The following TMEM132D variants were observed in gnomAD, a reference collection of about 807,000 sequenced individuals.
The protein encoded by TMEM132D is transmembrane protein 132D, also known as mature OL transmembrane protein.
In TMEM132D, 21 loss-of-function variants were observed where a neutral mutation model predicts 62.3. The ratio of observed to expected loss-of-function variants is 0.34; its 90% confidence interval spans 0.24 to 0.49. The LOEUF (loss-of-function observed/expected upper bound fraction) is 0.49. Among genes scored for constraint, TMEM132D ranks in the 20% least tolerant of loss-of-function variants. The pLI, the probability that TMEM132D is intolerant of heterozygous loss-of-function variation, is 0.99. For missense variants in TMEM132D, 1,346 were observed against 1,402.8 expected, an observed-to-expected ratio of 0.96 and a Z score of 0.65; for synonymous variants, 621 against 575.6, an observed-to-expected ratio of 1.08 and a Z score of -1.13.
intron 3 of TMEM132D, among the ~76,000 whole-genome samples, chr12:129,446,742 T>C (rs80062758): frequency 0.015 from 2,246 of 152,222 alleles, 53 homozygotes; most frequent in African/African-American, 0.051. Flanking sequence ...CTGTCAAAAA[T>C]ATATTCCAGG....
chr12:129,423,714 G>T (rs2135712335), intron 3 of TMEM132D, among the ~76,000 whole-genome samples: 1 of 152,212 alleles, frequency 6.6e-6, no homozygotes, highest in South Asian at 2.1e-4. Flanking sequence ...CTTAGAAAAT[G>T]CCTTCCTCAA....
intron 2 of TMEM132D, among the ~76,000 whole-genome samples, chr12:129,582,598 G>T (rs1340971570): frequency 1.3e-5 from 2 of 149,136 alleles, no homozygotes; most frequent in Non-Finnish European, 3.0e-5. Flanking sequence ...CTACTTGTAA[G>T]ACGTGAGACT....
At position 129,838,438 on chromosome 12, in the gene TMEM132D, C is replaced by T. The variant is rs1401945130; in HGVS notation, c.79+64823G>A. Among the ~76,000 whole-genome samples the T allele has an allele frequency of 2.6e-5, 4 of 152,188 alleles. No homozygotes were observed. In the South Asian group the frequency reaches 6.2e-4, roughly 24 times the overall value. On this transcript the variant is annotated intron_variant, in intron 1 of 8. Coordinates refer to ENST00000422113, the MANE Select transcript of TMEM132D (RefSeq NM_133448.3). Reference sequence around the variant, plus strand: ...ACTTTGTCTGTCAGAGCGGCCAGTTCAGGCATTGCACTTTTCCCTACATCT... The same window carrying T: ...ACTTTGTCTGTCAGAGCGGCCAGTTTAGGCATTGCACTTTTCCCTACATCT...
intron 4 of TMEM132D, among the ~76,000 whole-genome samples, chr12:129,221,182 T>C (rs571682696): frequency 5.3e-5 from 8 of 152,330 alleles, no homozygotes; most frequent in Non-Finnish European, 1.2e-4. Context: ...AATTGCCTAT[T>C]CTTTCTCCTC....
intron 3 of TMEM132D, among the ~76,000 whole-genome samples, chr12:129,372,722 T>G (rs1374292855): frequency 2.0e-5 from 3 of 151,936 alleles, no homozygotes; most frequent in Admixed American, 1.3e-4. Flanking sequence ...GATCTGTCAC[T>G]GTCTCCTGTC....
intron 3 of TMEM132D, among the ~76,000 whole-genome samples, chr12:129,418,697 T>C (rs141215603): frequency 0.017 from 2,544 of 152,122 alleles, 89 homozygotes; most frequent in African/African-American, 0.059. Context: ...CTGCACATTC[T>C]GCACATGTAT....
intron 3 of TMEM132D, among the ~76,000 whole-genome samples, chr12:129,506,651 G>T (rs1470287471): frequency 6.6e-6 from 1 of 152,154 alleles, no homozygotes; most frequent in Non-Finnish European, 1.5e-5. Flanking sequence ...TAACTGGCAA[G>T]CCACATGTAG....
At chr12:129,709,832 C>T (rs1165471108) in intron 1 of TMEM132D, among the ~76,000 whole-genome samples, 1 of 152,204 alleles carries the variant, frequency 6.6e-6, no homozygotes, top group Admixed American at 6.5e-5. Context: ...CATAGAATCT[C>T]AGATCCTATT....
At chr12:129,509,976 G>C (rs1435032555) in intron 3 of TMEM132D, among the ~76,000 whole-genome samples, 2 of 152,128 alleles carry the variant, frequency 1.3e-5, no homozygotes, top group Non-Finnish European at 2.9e-5. Flanking sequence ...TTTCTTTTGG[G>C]TATATACCGA....
intron 3 of TMEM132D, among the ~76,000 whole-genome samples, chr12:129,439,772 G>T (rs1395211610): frequency 1.3e-5 from 2 of 152,030 alleles, no homozygotes; most frequent in Non-Finnish European, 2.9e-5. Context: ...TTTAAGTGTT[G>T]TAAATTTTAC....
intron 5 of TMEM132D, among the ~76,000 whole-genome samples, chr12:129,206,318 A>C (rs1476105069): frequency 6.6e-6 from 1 of 152,238 alleles, no homozygotes; most frequent in Non-Finnish European, 1.5e-5. Context: ...TTTCAAAAGA[A>C]GACATATATA....
intron 2 of TMEM132D, among the ~76,000 whole-genome samples, chr12:129,550,644 G>T (rs1214506691): frequency 6.6e-6 from 1 of 152,132 alleles, no homozygotes; most frequent in Non-Finnish European, 1.5e-5. Flanking sequence ...GTGCTAAACT[G>T]GTTGTAAACT....
chr12:129,696,648 C>T (rs1166288326), intron 2 of TMEM132D, among the ~76,000 whole-genome samples: 1 of 152,012 alleles, frequency 6.6e-6, no homozygotes, highest in East Asian at 1.9e-4. Context: ...AAAGAAGAGC[C>T]CCAGTTCTTA....
At chr12:129,326,887 A>G (rs1198205133) in intron 4 of TMEM132D, among the ~76,000 whole-genome samples, 1 of 152,214 alleles carries the variant, frequency 6.6e-6, no homozygotes, top group Non-Finnish European at 1.5e-5. Context: ...ATAATAAAAT[A>G]ATAGGTACTC....
At chr12:129,437,504 T>C (rs1231199737) in intron 3 of TMEM132D, among the ~76,000 whole-genome samples, 1 of 152,234 alleles carries the variant, frequency 6.6e-6, no homozygotes, top group Non-Finnish European at 1.5e-5. Context: ...CACGTTTTCA[T>C]ACTTCTCAAA....
chr12:129,466,123 T>C (rs962333583), intron 3 of TMEM132D, among the ~76,000 whole-genome samples: 1 of 146,284 alleles, frequency 6.8e-6, no homozygotes, highest in African/African-American at 2.5e-5. Context: ...TCACTATAGA[T>C]TTATTATTGA....
intron 1 of TMEM132D, among the ~76,000 whole-genome samples, chr12:129,721,246 G>A (rs771500111): frequency 1.1e-4 from 17 of 152,118 alleles, no homozygotes; most frequent in Non-Finnish European, 1.8e-4. Context: ...AGGCTGGCCC[G>A]GTGTTCCCTC....
chr12:129,810,082 A>T (rs1872122578), intron 1 of TMEM132D, among the ~76,000 whole-genome samples: 1 of 152,204 alleles, frequency 6.6e-6, no homozygotes, highest in African/African-American at 2.4e-5. Flanking sequence ...TTCCCAGCGT[A>T]ATCTACCAAA....
intron 2 of TMEM132D, among the ~76,000 whole-genome samples, chr12:129,640,388 A>C (rs1204684462): frequency 2.0e-5 from 3 of 152,214 alleles, no homozygotes; most frequent in Non-Finnish European, 4.4e-5. Context: ...TTGCCATAAG[A>C]ATGGGATGCT....
Sources: gnomAD v4.1 joint callset for allele counts (sites outside exome capture counted in the v4.1 genomes callset) on GRCh38, gnomAD v4.1.1 for gene constraint, MANE v1.5 for transcripts, NCBI Gene and HGNC (gene_info 2026-07-23, HGNC 2026-07-21) for gene names.